The following PI4KA variants were observed in gnomAD, a reference collection of about 807,000 sequenced individuals.
PI4KA encodes the protein PI4-kinase alpha.
In PI4KA, 122 loss-of-function variants were observed where a neutral mutation model predicts 271.4. That is an observed-to-expected ratio of 0.45 (90% CI 0.39 to 0.52). PI4KA has a LOEUF of 0.52. Among genes scored for constraint, PI4KA ranks in the 20% least tolerant of loss-of-function variants. The pLI is 0.00. For synonymous variants in PI4KA, 1,041 were observed against 1,078.8 expected (o/e 0.96, Z 0.69); for missense variants, 1,969 against 2,769.1 (o/e 0.71, Z 6.48).
intron 32 of PI4KA, among the ~76,000 whole-genome samples, chr22:20,739,469 G>GAAAAAAAAAAAAAAAAAAAA (rs5844434): frequency 7.7e-6 from 1 of 130,552 alleles, no homozygotes; most frequent in Non-Finnish European, 1.7e-5. Context: ...CTGTCTTCAG[G>GAAAAAAAAAAAAAAAAAAAA]AAAAAAAAAA....
intron 9 of PI4KA, among the ~76,000 whole-genome samples, chr22:20,810,289 G>A (rs1325129590): frequency 1.3e-5 from 2 of 152,176 alleles, no homozygotes; most frequent in Admixed American, 6.5e-5. Context: ...GGCAGATCAC[G>A]AGGTCAGGAG....
chr22:20,717,353 T>C (rs1926130884), intron 45 of PI4KA, among the ~76,000 whole-genome samples: 1 of 152,142 alleles, frequency 6.6e-6, no homozygotes, highest in Admixed American at 6.5e-5. Flanking sequence ...ACCTGAGCCG[T>C]CCCACACTGG....
At chr22:20,819,469 T>C (rs903279107) in intron 6 of PI4KA, among the ~76,000 whole-genome samples, 172 bp downstream of exon 6, 2 of 152,106 alleles carry the variant, frequency 1.3e-5, no homozygotes, top group Admixed American at 6.6e-5. Context: ...CTATAAGCCC[T>C]TCCCCCCAAC....
At chr22:20,779,163 C>T in intron 19 of PI4KA, 1 of 1,546,014 alleles carries the variant, frequency 6.5e-7, no homozygotes, top group Non-Finnish European at 8.7e-7. Context: ...AGTCCATGAT[C>T]CTAAAACAGT....
chr22:20,850,046 A>G (rs1450133451), intron 1 of PI4KA, among the ~76,000 whole-genome samples: 1 of 152,198 alleles, frequency 6.6e-6, no homozygotes, highest in Non-Finnish European at 1.5e-5. Flanking sequence ...AAAATTGATC[A>G]TGGTGATGGA....
intron 29 of PI4KA, among the ~76,000 whole-genome samples, chr22:20,745,941 T>G (rs961682747): frequency 4.0e-5 from 6 of 148,324 alleles, no homozygotes; most frequent in African/African-American, 1.5e-4. Context: ...CTGGTTCAAG[T>G]GATTCTCCTG....
intron 42 of PI4KA, among the ~76,000 whole-genome samples, chr22:20,723,302 G>A (rs796857878): frequency 1.1e-4 from 16 of 152,074 alleles, no homozygotes; most frequent in African/African-American, 3.6e-4. Flanking sequence ...TTACAAGCGT[G>A]AGCCACCGCG....
intron 2 of PI4KA, among the ~76,000 whole-genome samples, chr22:20,837,225 C>T (rs1452899645): frequency 6.6e-6 from 1 of 152,136 alleles, no homozygotes; most frequent in East Asian, 1.9e-4. Context: ...CTCATTTCTA[C>T]AGAAAATTAA....
intron 19 of PI4KA, among the ~76,000 whole-genome samples, chr22:20,767,487 G>A (rs1932639106): frequency 2.0e-5 from 3 of 151,988 alleles, no homozygotes; most frequent in Admixed American, 2.0e-4. Context: ...TTGAGATAGG[G>A]TCTCACTCTG....
At chr22:20,800,672 C>T (rs936733804) in intron 14 of PI4KA, among the ~76,000 whole-genome samples, 7 of 146,994 alleles carry the variant, frequency 4.8e-5, no homozygotes, top group South Asian at 4.3e-4. Flanking sequence ...ATCATCCTGG[C>T]TAACATGGTG....
intron 27 of PI4KA, among the ~76,000 whole-genome samples, chr22:20,750,880 G>A (rs375194722): frequency 1.3e-5 from 2 of 152,316 alleles, no homozygotes; most frequent in South Asian, 4.1e-4. Context: ...CCATTGGATA[G>A]CACAAGTCAA....
chr22:20,742,598 A>G lies in PI4KA; in HGVS notation c.3613+10T>C, dbSNP rs777778614. 1.2e-6 allele frequency: 2 copies of G among 1,613,916 alleles called. No homozygotes were observed. Among genetic ancestry groups the G allele is most frequent in the African/African-American group, 1.3e-5 (1 of 75,044 alleles). The stretch of plus-strand genomic sequence containing the variant: ...CGAGCCCAGAATTCCACAGTGCTTC[A>G]GTGAGTTACCTTTACTGCTAATGAG... On this transcript the variant is annotated intron_variant, in intron 31 of 54. Transcript: ENST00000255882.
At chr22:20,858,243 AG>A (rs898047433) in intron 1 of PI4KA, among the ~76,000 whole-genome samples, 1 of 152,150 alleles carries the variant, frequency 6.6e-6, no homozygotes, top group African/African-American at 2.4e-5. Context: ...TGCTCCGCAC[AG>A]CCGCCCACGA....
intron 7 of PI4KA, among the ~76,000 whole-genome samples, chr22:20,814,783 T>C (rs1444731625): frequency 6.6e-6 from 1 of 151,454 alleles, no homozygotes; most frequent in African/African-American, 2.4e-5. Context: ...TTTTATGTTA[T>C]GTGTATTTTA....
At position 20,733,753 on chromosome 22, in the gene PI4KA, A is replaced by G; in HGVS notation, c.4143T>C (p.Thr1381=). ...RNVLREKIYS[T]AFDYFSCPPK... The stretch of plus-strand genomic sequence containing the variant: ...GGGAGTACCTGAAGTAGTCAAAGGC[A>G]GTGGAGTAGATCTTCTCGCGAAGCA... The change falls in exon 35 of 55, where the codon ACT becomes ACC. Residue 1381 remains threonine (T), a synonymous_variant. Transcript: ENST00000255882. 6.2e-7 allele frequency: 1 copy of G among 1,613,758 alleles called. No homozygotes were observed. Among genetic ancestry groups the G allele is most frequent in the Non-Finnish European group, 8.5e-7 (1 of 1,179,854 alleles).
intron 1 of PI4KA, among the ~76,000 whole-genome samples, chr22:20,857,756 G>C (rs1927782352): frequency 6.6e-6 from 1 of 152,142 alleles, no homozygotes; most frequent in Non-Finnish European, 1.5e-5. Flanking sequence ...ATTTACCCAA[G>C]AGGACATGGT....
At chr22:20,725,039 A>G (rs1229656432) in intron 42 of PI4KA, among the ~76,000 whole-genome samples, 4 of 152,050 alleles carry the variant, frequency 2.6e-5, no homozygotes, top group Non-Finnish European at 5.9e-5. Flanking sequence ...ATTCCACAGG[A>G]CTCAGTCTTT....
chr22:20,721,435 TC>T lies in PI4KA; in HGVS notation c.4996-18del. On this transcript the variant is annotated intron_variant, in intron 42 of 54. Coordinates refer to ENST00000255882, the MANE Select transcript of PI4KA (RefSeq NM_058004.4). ...ATAGCCCATCTGCAGGAGAGCAAGG[TC>T]CCTGTCAGCCAGGCTCGGCCCTCTC... is the stretch of plus-strand genomic sequence containing the variant. 6.2e-7 allele frequency: 1 copy of T among 1,612,484 alleles called. No homozygotes were observed. Among genetic ancestry groups the T allele is most frequent in the Non-Finnish European group, 8.5e-7 (1 of 1,179,296 alleles).
rs1932402802 is a variant in PI4KA at position 20,765,106 on chromosome 22, G to T, written c.2568C>A (p.Val856=). 1 of 1,612,612 alleles carries T rather than the reference G, an allele frequency of 6.2e-7. No individual in the cohort carries two copies. The highest frequency in any genetic ancestry group is 1.1e-5 in the South Asian group (1 of 90,828). Residue 856 remains valine (V), a synonymous_variant, in exon 21 of 55, where the codon GTC becomes GTA. Coordinates refer to ENST00000255882, the MANE Select transcript of PI4KA (RefSeq NM_058004.4). The part of the protein sequence containing the change: ...QYNSAMKNDT[V]TPAELSELRS... ...ATGAGATGTGAATCCTTACGGGGGTGACCGTGTCATTCTTCATGGCTGAGT... is the reference window on the plus strand; with the variant it reads ...ATGAGATGTGAATCCTTACGGGGGTTACCGTGTCATTCTTCATGGCTGAGT...
Sources: gnomAD v4.1 joint callset for allele counts (sites outside exome capture counted in the v4.1 genomes callset) on GRCh38, gnomAD v4.1.1 for gene constraint, MANE v1.5 for transcripts, NCBI Gene and HGNC (gene_info 2026-07-23, HGNC 2026-07-21) for gene names.